Variants in SYNE2 observed in about 807,000 individuals in gnomAD.
SYNE2 encodes spectrin repeat containing nuclear envelope protein 2.
In SYNE2, 431 loss-of-function variants were observed where a neutral mutation model predicts 856.3. The ratio of observed to expected loss-of-function variants is 0.50; its 90% CI spans 0.47 to 0.55. The LOEUF is 0.55. Among genes scored for constraint, SYNE2 ranks in the 20% least tolerant of loss-of-function variants. The pLI, the probability that SYNE2 is intolerant of heterozygous loss-of-function variation, is 0.00. For synonymous variants in SYNE2, 2,923 were observed against 2,872.3 expected, an observed-to-expected ratio of 1.02 and a Z score of -0.56; for missense variants, 8,129 against 8,023.2, an observed-to-expected ratio of 1.01 and a Z score of -0.50.
chr14:63,884,024 G>GT (rs1486954508), intron 1 of SYNE2, among the ~76,000 whole-genome samples: 1 of 152,178 alleles, frequency 6.6e-6, no homozygotes, highest in African/African-American at 2.4e-5. Context: ...CGGGCCCTTG[G>GT]TGTGGCCCAG....
chr14:63,838,499 T>C (rs1752986100), intron 1 of SYNE2, among the ~76,000 whole-genome samples: 1 of 152,166 alleles, frequency 6.6e-6, no homozygotes, highest in Admixed American at 6.6e-5. Context: ...TTTTTATCCA[T>C]GTACATTATT....
intron 1 of SYNE2, among the ~76,000 whole-genome samples, chr14:63,865,710 ACC>A (rs1429490991): frequency 1.1e-4 from 3 of 27,108 alleles, no homozygotes; most frequent in African/African-American, 2.1e-4. Context: ...AAAACTCTGT[ACC>A]CACCCCCCCC....
chr14:64,093,728 C>T lies in SYNE2; in HGVS notation c.12108+248C>T, dbSNP rs188214219. On this transcript the variant is annotated intron_variant, in intron 61 of 115. Coordinates refer to ENST00000555002, the MANE Select transcript of SYNE2 (RefSeq NM_182914.3). ...CCCCTGATGTTTGATCAAGAGAAGCCTTATCTGTTTGTAGCCTGGGCAGTC... is the reference window on the plus strand; with the variant it reads ...CCCCTGATGTTTGATCAAGAGAAGCTTTATCTGTTTGTAGCCTGGGCAGTC... Among the ~76,000 whole-genome samples, 157 of 152,156 alleles carry T rather than the reference C, an allele frequency of 1.0e-3. 3 individuals are homozygous for T. Among genetic ancestry groups the T allele is most frequent in the African/African-American group, 3.4e-3 (141 of 41,520 alleles).
intron 2 of SYNE2, among the ~76,000 whole-genome samples, chr14:63,930,372 A>T (rs955254942): frequency 6.6e-5 from 10 of 151,550 alleles, no homozygotes; most frequent in Admixed American, 3.9e-4. Flanking sequence ...CATGAGTTAT[A>T]TTTCAATAAA....
intron 79 of SYNE2, among the ~76,000 whole-genome samples, chr14:64,139,471 G>T: frequency 6.6e-6 from 1 of 151,932 alleles, no homozygotes; most frequent in East Asian, 1.9e-4. Context: ...GAGTACAGTG[G>T]CGCAATCTCG....
In SYNE2 at chr14:64,136,488, G is replaced by A. The variant is rs144401232; in HGVS notation, c.14647-1299G>A. ...TATGGACGTGGAATTTTTTGGTAAT[G>A]ATTTAAAAGGCTTAACTTAATTTGA... is the stretch of plus-strand genomic sequence containing the variant. On this transcript the variant is annotated intron_variant, in intron 78 of 115. Coordinates refer to ENST00000555002, the MANE Select transcript of SYNE2 (RefSeq NM_182914.3). 3.5e-3 allele frequency among the ~76,000 whole-genome samples: 529 copies of A among 152,056 alleles called. 3 individuals are homozygous for A. Among genetic ancestry groups the A allele is most frequent in the Middle Eastern group, 0.027 (8 of 294 alleles).
intron 6 of SYNE2, among the ~76,000 whole-genome samples, chr14:63,944,302 ATAT>A (rs1566869338): frequency 4.7e-5 from 7 of 147,696 alleles, no homozygotes; most frequent in East Asian, 2.0e-4. Flanking sequence ...ATATATATAT[ATAT>A]ATAAATAAAT....
chr14:63,866,809 A>C (rs1451500448), intron 1 of SYNE2, among the ~76,000 whole-genome samples: 1 of 152,128 alleles, frequency 6.6e-6, no homozygotes, highest in Non-Finnish European at 1.5e-5. Context: ...CCGTCTCTAC[A>C]AAAAATTTAA....
intron 1 of SYNE2, among the ~76,000 whole-genome samples, chr14:63,812,924 C>A (rs1276070292): frequency 6.6e-6 from 1 of 152,026 alleles, no homozygotes; most frequent in Non-Finnish European, 1.5e-5. Flanking sequence ...AAAGAAAAAC[C>A]AGCCTGATAA....
chr14:64,100,629 A>C (rs1224621241), intron 63 of SYNE2, among the ~76,000 whole-genome samples: 2 of 146,330 alleles, frequency 1.4e-5, no homozygotes, highest in African/African-American at 5.0e-5. Context: ...TGGAATGGCT[A>C]AATTGAGCTA....
At chr14:63,922,030 G>A (rs1326016929) in intron 2 of SYNE2, among the ~76,000 whole-genome samples, 1 of 152,144 alleles carries the variant, frequency 6.6e-6, no homozygotes, top group Non-Finnish European at 1.5e-5. Context: ...TTGAGACAGG[G>A]TCTCACTTTG....
intron 66 of SYNE2, among the ~76,000 whole-genome samples, chr14:64,117,880 G>A (rs567236154): frequency 4.6e-5 from 7 of 152,264 alleles, no homozygotes; most frequent in East Asian, 3.9e-4. Flanking sequence ...CATCCTGGGC[G>A]GGATGGAGCA....
At position 64,141,366 on chromosome 14, in the gene SYNE2, A is replaced by C. The variant is rs910499467; in HGVS notation, c.15002A>C (p.Lys5001Thr). The change falls in exon 81 of 116, where the codon AAA (lysine) becomes ACA (threonine). Residue 5001 changes from lysine to threonine, a missense_variant. Lys to Thr is a moderately conservative substitution (Grantham distance 78). Coordinates refer to ENST00000555002, the MANE Select transcript of SYNE2 (RefSeq NM_182914.3). ...GAGTTTTCAAAAGAAGTTGATGAAAAATCCTCCTTGAAGACTGCCGTTATC... is the reference window on the plus strand; with the variant it reads ...GAGTTTTCAAAAGAAGTTGATGAAACATCCTCCTTGAAGACTGCCGTTATC... ...FFEFSKEVDE[K>T]SSLKTAVISI... 1 of 1,613,430 alleles carries C rather than the reference A, an allele frequency of 6.2e-7. No individual in the cohort carries two copies. Among genetic ancestry groups the C allele is most frequent in the African/African-American group, 1.3e-5 (1 of 74,888 alleles).
chr14:64,012,422 A>G (rs58765592), intron 32 of SYNE2, among the ~76,000 whole-genome samples: 2,361 of 152,288 alleles, frequency 0.016, 44 homozygotes, highest in African/African-American at 0.044. Context: ...AGACAAACAT[A>G]TATATTTAAT....
At chr14:64,048,697 C>T (rs1164794853) in intron 46 of SYNE2, 3 of 153,162 alleles carry the variant, frequency 2.0e-5, no homozygotes, top group Admixed American at 2.0e-4. Flanking sequence ...TGCCTGAGTC[C>T]AGGAGTTGGA....
At position 64,141,600 on chromosome 14, in the gene SYNE2, C is replaced by G. The variant is rs1347353641; in HGVS notation, c.15159+77C>G. 2.3e-5 allele frequency: 34 copies of G among 1,492,038 alleles called. 1 individual carries two copies. Among genetic ancestry groups the G allele is most frequent in the Non-Finnish European group, 2.9e-5 (31 of 1,079,446 alleles). 92.4% of individuals were successfully genotyped at this position (1,492,038 alleles called of 1,614,324 possible). A position where few individuals can be genotyped will look rare whatever the true frequency, so the allele number is the denominator to read the frequency against. On this transcript the variant is annotated intron_variant, in intron 81 of 115. Transcript: ENST00000555002. ...AACTCTTTTAAAATTATTTCTCTGACTCAATAATTTTCATTGACACTACCT... is the reference window on the plus strand; with the variant it reads ...AACTCTTTTAAAATTATTTCTCTGAGTCAATAATTTTCATTGACACTACCT...
intron 90 of SYNE2, among the ~76,000 whole-genome samples, chr14:64,166,150 G>T (rs920964543): frequency 6.6e-6 from 1 of 152,110 alleles, no homozygotes; most frequent in African/African-American, 2.4e-5. Flanking sequence ...ACTTAGATCA[G>T]CAGTCAACAA....
At chr14:63,997,732 GAACA>G (rs972844857) in intron 25 of SYNE2, among the ~76,000 whole-genome samples, 17 of 152,240 alleles carry the variant, frequency 1.1e-4, no homozygotes, top group Admixed American at 8.5e-4. Flanking sequence ...TCATTGAGAT[GAACA>G]AGTTCATTTA....
At chr14:64,139,836 T>G in intron 79 of SYNE2, 105 bp from the exon 80 acceptor site, 28 of 1,122,202 alleles carry the variant, frequency 2.5e-5, no homozygotes, top group Non-Finnish European at 3.8e-5. Flanking sequence ...TTAGGACTGA[T>G]CAACATAGGA....
Sources: gnomAD v4.1 joint callset for allele counts (sites outside exome capture counted in the v4.1 genomes callset) on GRCh38, gnomAD v4.1.1 for gene constraint, MANE v1.5 for transcripts, NCBI Gene and HGNC (gene_info 2026-07-23, HGNC 2026-07-21) for gene names.